The following ZNF320 variants were observed in gnomAD, a reference collection of about 807,000 sequenced individuals.
ZNF320 encodes the protein zinc finger gene 320.
A neutral mutation model predicts 6.8 loss-of-function variants in ZNF320; 2 were observed. The ratio of observed to expected loss-of-function variants is 0.29; its 90% CI spans 0.12 to 0.93. ZNF320 has a LOEUF of 0.93. Ranked by LOEUF, ZNF320 falls within the 40% of genes least tolerant of loss-of-function variation. The pLI, the probability that ZNF320 is intolerant of heterozygous loss-of-function variation, is 0.55. For missense variants in ZNF320, 472 were observed against 611.0 expected, an observed-to-expected ratio of 0.77 and a Z score of 2.40; for synonymous variants, 208 against 203.2, an observed-to-expected ratio of 1.02 and a Z score of -0.20.
intron 5 of ZNF320, among the ~76,000 whole-genome samples, chr19:52,882,752 C>A (rs1322390958): frequency 2.0e-5 from 3 of 152,100 alleles, no homozygotes; most frequent in South Asian, 4.1e-4. Context: ...ACCAACCTGG[C>A]CAACATGGCG....
chr19:52,880,950 C>T lies in ZNF320; in HGVS notation c.1176G>A (p.Lys392=), dbSNP rs1285617521. 3.1e-6 allele frequency: 5 copies of T among 1,613,376 alleles called. No individual in the cohort carries two copies. In the Admixed American group the frequency reaches 6.7e-5, roughly 22 times the overall value. The part of the protein sequence containing the change: ...ERPYTCNECG[K]VFSTKAYLAC... Reference sequence around the variant, plus strand: ...CGAGGTACGCTTTTGTACTAAAAACCTTGCCACATTCATTACATGTGTAAG... The same window carrying T: ...CGAGGTACGCTTTTGTACTAAAAACTTTGCCACATTCATTACATGTGTAAG... Residue 392 remains lysine, a synonymous_variant, in exon 6 of 6, where the codon AAG becomes AAA. Coordinates refer to ENST00000682928, the MANE Select transcript of ZNF320 (RefSeq NM_001351774.2).
chr19:52,865,484 A>ACATATATATT (rs1568692792), intron 5 of ZNF320: 12 of 128,630 alleles, frequency 9.3e-5, no homozygotes, highest in African/African-American at 3.6e-4. Context: ...ATATATATAT[A>ACATATATATT]ATACATATAT....
In ZNF320 at chr19:52,877,107, A is replaced by C. The variant is rs1350499687; in HGVS notation, c.*3489T>G. 1.3e-5 allele frequency: 2 copies of C among 152,306 alleles called. No homozygotes were observed. Among genetic ancestry groups the C allele is most frequent in the East Asian group, 3.9e-4 (2 of 5,192 alleles). The allele number at this position is 152,306 out of a possible 1,614,324, so 9.4% of individuals were successfully genotyped here. On this transcript the variant is annotated 3_prime_UTR_variant, in exon 6 of 6. Transcript: ENST00000682928. ...GGCCAACAGAATGAGACCCATCTTTAATAGAAATGAAGAAAAAGGAAACAC... is the reference window on the plus strand; with the variant it reads ...GGCCAACAGAATGAGACCCATCTTTCATAGAAATGAAGAAAAAGGAAACAC...
At chr19:52,875,827 A>C (rs1202934188), downstream of ZNF320, among the ~76,000 whole-genome samples, 1 of 152,204 alleles carries the variant, frequency 6.6e-6, no homozygotes, top group African/African-American at 2.4e-5. Context: ...ACACCTGAGC[A>C]AATGAAATGT....
intron 5 of ZNF320, among the ~76,000 whole-genome samples, chr19:52,867,146 G>A (rs2063589992): frequency 6.6e-6 from 1 of 151,840 alleles, no homozygotes; most frequent in African/African-American, 2.4e-5. Context: ...TGTTCATATT[G>A]GCCAAAAGCC....
intron 5 of ZNF320, among the ~76,000 whole-genome samples, chr19:52,867,858 C>T (rs1485706032): frequency 3.3e-5 from 5 of 151,712 alleles, no homozygotes; most frequent in Admixed American, 6.6e-5. Flanking sequence ...GTGATCTGCC[C>T]GTCTCGGCCG....
At position 52,877,519 on chromosome 19, in the gene ZNF320, G is replaced by A. The variant is rs549918641; in HGVS notation, c.*3077C>T. On this transcript the variant is annotated 3_prime_UTR_variant, in exon 6 of 6. Coordinates refer to ENST00000682928, the MANE Select transcript of ZNF320 (RefSeq NM_001351774.2). ...GACATTTGACTCAGGTGTGCAGAGGGATGGGCTCTTTCCCACATCTGTGAA... is the reference window on the plus strand; with the variant it reads ...GACATTTGACTCAGGTGTGCAGAGGAATGGGCTCTTTCCCACATCTGTGAA... 8.5e-5 allele frequency: 13 copies of A among 152,304 alleles called. No homozygotes were observed. The highest frequency in any genetic ancestry group is 3.1e-4 in the African/African-American group (13 of 41,566). The allele number at this position is 152,304 out of a possible 1,614,324, so 9.4% of individuals were successfully genotyped here.
At chr19:52,904,159 C>G in the ZNF320 span, among the ~76,000 whole-genome samples, 1 of 152,212 alleles carries the variant, frequency 6.6e-6, no homozygotes. Flanking sequence ...GGTGTTCAGC[C>G]ACTGCGTTAA....
At chr19:52,897,360 G>A (rs2147910210) in intron 1 of ZNF320, 160 bp downstream of exon 1, 1 of 152,356 alleles carries the variant, frequency 6.6e-6, no homozygotes. Flanking sequence ...GCTCGCGGGT[G>A]AGGACTTGAA....
intron 3 of ZNF320, 146 bp from the exon 4 acceptor site, chr19:52,890,474 A>C (rs2064252029): frequency 1.5e-6 from 1 of 667,666 alleles, no homozygotes; most frequent in African/African-American, 1.8e-5. Flanking sequence ...CTCCTACAGG[A>C]AAACTCCCAC....
chr19:52,884,766 C>G (rs1227432474), intron 5 of ZNF320, among the ~76,000 whole-genome samples: 1 of 152,132 alleles, frequency 6.6e-6, no homozygotes, highest in African/African-American at 2.4e-5. Context: ...TAAGCTATTT[C>G]TAACAGTGAA....
At chr19:52,893,265 G>A (rs1021087136) in intron 2 of ZNF320, 9 of 151,684 alleles carry the variant, frequency 5.9e-5, no homozygotes, top group Non-Finnish European at 1.0e-4. Flanking sequence ...TCCCCAATGC[G>A]GGCCTGGGCA....
downstream of ZNF320, among the ~76,000 whole-genome samples, chr19:52,872,952 G>A (rs2063706238): frequency 6.6e-6 from 1 of 152,190 alleles, no homozygotes; most frequent in Admixed American, 6.5e-5. Context: ...GCTCTGCCTG[G>A]ATGTGCATGT....
At chr19:52,865,650 TATATGATTATACATATATATTATATG>T (rs2063542163) in intron 5 of ZNF320, among the ~76,000 whole-genome samples, 4 of 128,542 alleles carry the variant, frequency 3.1e-5, no homozygotes, top group Admixed American at 2.5e-4. Flanking sequence ...TATATATTTA[TATATGATTATACATATATATTATATG>T]ATTATACATA....
At chr19:52,894,602 G>A (rs1217047854) in intron 1 of ZNF320, among the ~76,000 whole-genome samples, 2 of 152,108 alleles carry the variant, frequency 1.3e-5, no homozygotes, top group Admixed American at 6.6e-5. Context: ...GGCCAGGCGC[G>A]GTGGCTCACG....
chr19:52,892,077 C>T (rs1387044611), intron 2 of ZNF320: 1 of 152,208 alleles, frequency 6.6e-6, no homozygotes, highest in Non-Finnish European at 1.5e-5. Flanking sequence ...ACCTTGAAAA[C>T]AGGGAGGCCA....
exon 6 of ZNF320, chr19:52,862,463 G>A (rs929430078): frequency 5.3e-6 from 2 of 377,364 alleles, no homozygotes; most frequent in Non-Finnish European, 1.1e-5. Context: ...TGCAAGGTAT[G>A]AATGATGACT....
At chr19:52,886,999 A>AAGGAAGGAAGGAAGGAAGGAAGGAAGGT (rs2064106130) in intron 5 of ZNF320, among the ~76,000 whole-genome samples, 1 of 80,564 alleles carries the variant, frequency 1.2e-5, no homozygotes. Flanking sequence ...GGAAGGAAGG[A>AAGGAAGGAAGGAAGGAAGGAAGGAAGGT]AGGAAGGAAA....
At position 52,877,787 on chromosome 19, in the gene ZNF320, C is replaced by T. The variant is rs2063802547; in HGVS notation, c.*2809G>A. 6.6e-6 allele frequency: 1 copy of T among 152,124 alleles called. No individual in the cohort carries two copies. The highest frequency in any genetic ancestry group is 2.1e-4 in the South Asian group (1 of 4,828). The allele number at this position is 152,124 out of a possible 1,614,324, so 9.4% of individuals were successfully genotyped here. On this transcript the variant is annotated 3_prime_UTR_variant, in exon 6 of 6. Coordinates refer to ENST00000682928, the MANE Select transcript of ZNF320 (RefSeq NM_001351774.2). The stretch of plus-strand genomic sequence containing the variant: ...TTGTGACAGCCATAATGCTTTGACA[C>T]ACTGATACTGTTTTATATAGATTTT...
Sources: allele counts gnomAD v4.1 joint callset (sites outside exome capture counted in the v4.1 genomes callset), GRCh38; gene constraint gnomAD v4.1.1; transcripts MANE v1.5; gene names NCBI Gene and HGNC (gene_info 2026-07-23, HGNC 2026-07-21).